Variants in KIRREL3 observed in about 807,000 individuals in gnomAD.
The protein encoded by KIRREL3 is kirre like nephrin family adhesion molecule 3.
A neutral mutation model predicts 89.7 loss-of-function variants in KIRREL3; 36 were observed. That is an observed-to-expected ratio of 0.40 (90% CI 0.31 to 0.53). KIRREL3 has a LOEUF of 0.53. KIRREL3 is among the 20% of genes least tolerant of loss of function. The pLI is 0.49. For missense variants in KIRREL3, 864 were observed against 1,056.6 expected (o/e 0.82, Z 2.53); for synonymous variants, 445 against 441.4 (o/e 1.01, Z -0.10).
rs1234067176 is a variant in KIRREL3 at position 126,891,518 on chromosome 11, TGGATGGATTCCTTGGAAAGAGATGCA to T, written c.55+108911_55+108936del. Among the ~76,000 whole-genome samples, 2 of 152,334 alleles carry T rather than the reference TGGATGGATTCCTTGGAAAGAGATGCA, an allele frequency of 1.3e-5. No individual in the cohort carries two copies. Among genetic ancestry groups the T allele is most frequent in the African/African-American group, 4.8e-5 (2 of 41,582 alleles). ...TGAGAGCGCTCCACAGTCCCTGCCA[TGGATGGATTCCTTGGAAAGAGATGCA>T]CAGGGTGCTCCGACTGTTAGTCTGT... On this transcript the variant is annotated intron_variant, in intron 1 of 16. Transcript: ENST00000525144. This position sits in a 1 kb window ranked among gnomAD's most constrained non-coding sequence, Gnocchi z 5.1.
chr11:126,603,602 G>A lies in KIRREL3; in HGVS notation c.56-40690C>T, dbSNP rs533758955. The stretch of plus-strand genomic sequence containing the variant: ...GCTGAACTGGGAGGAACATGCTTGG[G>A]TCTTGGCCCCCTGAGCAGCTGTGCT... On this transcript the variant is annotated intron_variant, in intron 1 of 16. Transcript: ENST00000525144. 1.8e-4 allele frequency among the ~76,000 whole-genome samples: 27 copies of A among 152,374 alleles called. 1 individual carries two copies. The highest frequency in any genetic ancestry group is 6.3e-4 in the African/African-American group (26 of 41,598).
At position 126,561,124 on chromosome 11, in the gene KIRREL3, G is replaced by T. The variant is rs1289751961; in HGVS notation, c.133+1711C>A. ...GGTACTTAGGGCAGCAAGGCTGGCT[G>T]GAGTGGAAGAAGAGGAGCTTCCTCC... is the stretch of plus-strand genomic sequence containing the variant. On this transcript the variant is annotated intron_variant, in intron 2 of 16. Transcript: ENST00000525144. The surrounding 1 kb of genome is among the most constrained non-coding windows in gnomAD (Gnocchi z 4.5). 6.6e-6 allele frequency among the ~76,000 whole-genome samples: 1 copy of T among 152,208 alleles called. No individual in the cohort carries two copies. The highest frequency in any genetic ancestry group is 1.5e-5 in the Non-Finnish European group (1 of 68,044).
chr11:126,599,060 A>T (rs779148828), intron 1 of KIRREL3, among the ~76,000 whole-genome samples: 1 of 152,134 alleles, frequency 6.6e-6, no homozygotes, highest in Non-Finnish European at 1.5e-5. Flanking sequence ...CTAGAGACAC[A>T]ATAGCTTTTC....
intron 1 of KIRREL3, among the ~76,000 whole-genome samples, chr11:126,975,893 TC>T: frequency 2.0e-5 from 1 of 48,836 alleles, no homozygotes; most frequent in Admixed American, 2.2e-4. Context: ...TTTCCCTCCC[TC>T]CCTCCCTCCC....
intron 1 of KIRREL3, among the ~76,000 whole-genome samples, chr11:126,649,933 A>G (rs1469002308): frequency 6.6e-6 from 1 of 152,250 alleles, no homozygotes; most frequent in East Asian, 1.9e-4. Context: ...CTGGGCATCC[A>G]GGAGTTTCCA....
chr11:126,746,612 C>T (rs1592064925), intron 1 of KIRREL3, among the ~76,000 whole-genome samples: 1 of 152,170 alleles, frequency 6.6e-6, no homozygotes. Context: ...ATCTGGAAAC[C>T]TGAGCTTGAT....
In KIRREL3 at chr11:126,908,166, T is replaced by C. The variant is rs531580276; in HGVS notation, c.55+92289A>G. ...CCTATGAAGGCAAATATCTGTTTTG[T>C]TTACTGCCGTATTTTCAGTGCCTAG... On this transcript the variant is annotated intron_variant, in intron 1 of 16. Transcript: ENST00000525144. This position sits in a 1 kb window ranked among gnomAD's most constrained non-coding sequence, Gnocchi z 4.2. 3.3e-5 allele frequency among the ~76,000 whole-genome samples: 5 copies of C among 152,370 alleles called. No homozygotes were observed. The East Asian group carries it at 9.6e-4, about 29-fold the overall frequency.
chr11:126,919,467 G>C (rs1416699027), intron 1 of KIRREL3, among the ~76,000 whole-genome samples: 1 of 152,226 alleles, frequency 6.6e-6, no homozygotes, highest in Non-Finnish European at 1.5e-5. Context: ...TCTGGCTGCA[G>C]TGAGGAATAA....
In KIRREL3 at chr11:126,689,880, T is replaced by A. The variant is rs1946813260; in HGVS notation, c.56-126968A>T. On this transcript the variant is annotated intron_variant, in intron 1 of 16. Coordinates refer to ENST00000525144, the MANE Select transcript of KIRREL3 (RefSeq NM_032531.4). The surrounding 1 kb of genome is among the most constrained non-coding windows in gnomAD (Gnocchi z 5.2). The stretch of plus-strand genomic sequence containing the variant: ...ATAAATATGGGAAGACATTTGCTAT[T>A]AACTGCAAATGGCAAGCAGCATCTT... Among the ~76,000 whole-genome samples, 1 of 152,204 alleles carries A rather than the reference T, an allele frequency of 6.6e-6. No homozygotes were observed. Among genetic ancestry groups the A allele is most frequent in the African/African-American group, 2.4e-5 (1 of 41,446 alleles).
In KIRREL3 at chr11:126,668,693, T is replaced by TTTTCTTTCTTTCTTTCTTTCTTTC. The variant is rs57753203; in HGVS notation, c.56-105805_56-105782dup. ...TAAAGAGCTGTTGGGAAGTTTCTGT[T>TTTTCTTTCTTTCTTTCTTTCTTTC]TTTCTTTCTTTCTTTCTTTCTTTCT... On this transcript the variant is annotated intron_variant, in intron 1 of 16. Coordinates refer to ENST00000525144, the MANE Select transcript of KIRREL3 (RefSeq NM_032531.4). The surrounding 1 kb of genome is among the most constrained non-coding windows in gnomAD (Gnocchi z 4.4). Among the ~76,000 whole-genome samples, 3 of 126,718 alleles carry TTTTCTTTCTTTCTTTCTTTCTTTC rather than the reference T, an allele frequency of 2.4e-5. No individual in the cohort carries two copies. Among genetic ancestry groups the TTTTCTTTCTTTCTTTCTTTCTTTC allele is most frequent in the Middle Eastern group, 3.8e-3 (1 of 260 alleles). 83.1% of individuals were successfully genotyped at this position (126,718 alleles called of 152,430 possible).
At chr11:126,442,120 A>T (rs1358989667) in intron 10 of KIRREL3, among the ~76,000 whole-genome samples, 1 of 151,642 alleles carries the variant, frequency 6.6e-6, no homozygotes, top group Non-Finnish European at 1.5e-5. Flanking sequence ...AAAATACAAA[A>T]ATTTTTAGTA....
At chr11:126,464,631 CAGAG>C (rs1273262502) in intron 5 of KIRREL3, among the ~76,000 whole-genome samples, 1 of 151,940 alleles carries the variant, frequency 6.6e-6, no homozygotes, top group African/African-American at 2.4e-5. Context: ...GAGGAGAAGA[CAGAG>C]AGAAACAGAG....
At chr11:126,451,548 GTGTGCATGTGTGTGATCA>G (rs1443683172) in intron 7 of KIRREL3, among the ~76,000 whole-genome samples, 1 of 148,936 alleles carries the variant, frequency 6.7e-6, no homozygotes, top group Non-Finnish European at 1.5e-5. Flanking sequence ...GAGTGTGCAT[GTGTGCATGTGTGTGATCA>G]TGTGCATGTG....
chr11:126,696,435 A>G lies in KIRREL3; in HGVS notation c.56-133523T>C, dbSNP rs563186867. Among the ~76,000 whole-genome samples, 23 of 152,000 alleles carry G rather than the reference A, an allele frequency of 1.5e-4. 2 individuals carry two copies. The South Asian group carries it at 4.8e-3, about 32-fold the overall frequency. ...TACCCTTAACTCCTGCCTTTGCCCA[A>G]TCCCCAGCCTTCTATGAGATACCAC... On this transcript the variant is annotated intron_variant, in intron 1 of 16. Transcript: ENST00000525144. This position sits in a 1 kb window ranked among gnomAD's most constrained non-coding sequence, Gnocchi z 4.4.
Position 126,568,107 on chromosome 11 carries a change from A to G in KIRREL3, c.56-5195T>C, listed in dbSNP as rs1465117339. ...ATGGCAGGCAGTTTGGTGTGGCTGT[A>G]GCAGAAGAAAAAAGATGAGACAGGA... On this transcript the variant is annotated intron_variant, in intron 1 of 16. Coordinates refer to ENST00000525144, the MANE Select transcript of KIRREL3 (RefSeq NM_032531.4). This position sits in a 1 kb window ranked among gnomAD's most constrained non-coding sequence, Gnocchi z 4.6. Among the ~76,000 whole-genome samples the G allele has an allele frequency of 1.3e-5, 2 of 152,102 alleles. No homozygotes were observed. Among genetic ancestry groups the G allele is most frequent in the East Asian group, 3.8e-4 (2 of 5,200 alleles).
chr11:126,980,627 C>T (rs1208067550), intron 1 of KIRREL3, among the ~76,000 whole-genome samples: 3 of 152,028 alleles, frequency 2.0e-5, no homozygotes, highest in Admixed American at 6.5e-5. Flanking sequence ...AGTATAGATC[C>T]ATGTGAAAGG....
At chr11:126,921,848 CATCT>C (rs1306913527) in intron 1 of KIRREL3, among the ~76,000 whole-genome samples, 1 of 147,684 alleles carries the variant, frequency 6.8e-6, no homozygotes, top group Non-Finnish European at 1.5e-5. Flanking sequence ...ATCTATCTAT[CATCT>C]ATCTTTCTGT....
chr11:126,667,497 C>A (rs1038977351), intron 1 of KIRREL3, among the ~76,000 whole-genome samples: 2 of 152,050 alleles, frequency 1.3e-5, no homozygotes, highest in East Asian at 3.8e-4. Context: ...ACTCCCAATG[C>A]GAGGTGAAGG....
chr11:126,691,086 G>C (rs995506788), intron 1 of KIRREL3, among the ~76,000 whole-genome samples: 5 of 152,186 alleles, frequency 3.3e-5, no homozygotes, highest in Admixed American at 2.0e-4. Context: ...CATATCAAGG[G>C]CACAAGAGAT....
Sources: gnomAD v4.1 joint callset for allele counts (sites outside exome capture counted in the v4.1 genomes callset) on GRCh38, gnomAD v4.1.1 for gene constraint, Gnocchi (gnomAD v3.1) non-coding constraint, MANE v1.5 for transcripts, NCBI Gene and HGNC (gene_info 2026-07-23, HGNC 2026-07-21) for gene names.